Variants in NAPG observed in about 807,000 individuals in gnomAD.
NAPG encodes the protein NSF attachment protein gamma.
A neutral mutation model predicts 48.4 loss-of-function variants in NAPG; 25 were observed. The observed-to-expected ratio is 0.52, with a 90% CI of 0.38 to 0.72. NAPG has a LOEUF of 0.72. Among genes scored for constraint, NAPG ranks in the 30% least tolerant of loss-of-function variants. The pLI, the probability that NAPG is intolerant of heterozygous loss-of-function variation, is 0.00. For synonymous variants in NAPG, 139 were observed against 127.2 expected (o/e 1.09, Z -0.62); for missense variants, 359 against 372.5 (o/e 0.96, Z 0.30).
rs902820087 is a variant in NAPG at position 10,543,424 on chromosome 18, G to A, written c.507-2902G>A. Among the ~76,000 whole-genome samples the A allele has an allele frequency of 2.0e-5, 3 of 152,174 alleles. No individual in the cohort carries two copies. The highest frequency in any genetic ancestry group is 3.8e-4 in the East Asian group (2 of 5,196). ...GGTTTCTGTCTTGCATAACTGTTCT[G>A]TCCATGGTGCCATCAATAACTGAGA... On this transcript the variant is annotated intron_variant, in intron 8 of 11. Coordinates refer to ENST00000322897, the MANE Select transcript of NAPG (RefSeq NM_003826.3). The surrounding 1 kb of genome is among the most constrained non-coding windows in gnomAD (Gnocchi z 4.4).
At position 10,534,255 on chromosome 18, in the gene NAPG, T is replaced by C. The variant is rs2031987137; in HGVS notation, c.228-211T>C. Among the ~76,000 whole-genome samples, 1 of 152,230 alleles carries C rather than the reference T, an allele frequency of 6.6e-6. No individual in the cohort carries two copies. The highest frequency in any genetic ancestry group is 6.5e-5 in the Admixed American group (1 of 15,284). On this transcript the variant is annotated intron_variant, in intron 4 of 11. Transcript: ENST00000322897. This position sits in a 1 kb window ranked among gnomAD's most constrained non-coding sequence, Gnocchi z 5.0. ...TTGCATCTGCAAAATAAAATCTCTT[T>C]AACTCAAATGTCTGATGTTCTAAGC...
intron 4 of NAPG, 53 bp downstream of exon 4, chr18:10,533,606 T>C (rs1331124336): frequency 1.3e-5 from 19 of 1,479,950 alleles, no homozygotes; most frequent in Non-Finnish European, 1.8e-5. Flanking sequence ...TAAATGTTGC[T>C]GTTTTTCTGT....
chr18:10,543,945 C>T lies in NAPG; in HGVS notation c.507-2381C>T, dbSNP rs2032207969. ...AGGGCTTGGCTCTTTTGTTAGGTAA[C>T]TATATATTAGCACATAGAAATGCTA... On this transcript the variant is annotated intron_variant, in intron 8 of 11. Transcript: ENST00000322897. The surrounding 1 kb of genome is among the most constrained non-coding windows in gnomAD (Gnocchi z 4.4). Among the ~76,000 whole-genome samples, 1 of 152,082 alleles carries T rather than the reference C, an allele frequency of 6.6e-6. No homozygotes were observed. Among genetic ancestry groups the T allele is most frequent in the East Asian group, 1.9e-4 (1 of 5,194 alleles).
chr18:10,536,382 T>C (rs1419962363), intron 5 of NAPG, among the ~76,000 whole-genome samples: 1 of 152,184 alleles, frequency 6.6e-6, no homozygotes, highest in Non-Finnish European at 1.5e-5. Flanking sequence ...TCACACTGAT[T>C]CACCAGAAAG....
intron 3 of NAPG, 179 bp from the exon 4 acceptor site, chr18:10,533,356 TA>T (rs2031969208): frequency 2.2e-6 from 1 of 458,028 alleles, no homozygotes. Context: ...TTTTGGGAAT[TA>T]TGTAGTTTTA....
intron 7 of NAPG, 118 bp from the exon 8 acceptor site, chr18:10,540,211 C>G: frequency 1.9e-6 from 2 of 1,051,950 alleles, no homozygotes; most frequent in Admixed American, 4.7e-5. Flanking sequence ...AATGAACTAG[C>G]AGCTTTCGTG....
chr18:10,532,878 C>CAGG, intron 3 of NAPG, 83 bp downstream of exon 3: 1 of 1,137,968 alleles, frequency 8.8e-7, no homozygotes, highest in Non-Finnish European at 1.3e-6. Context: ...ATTTACTTTA[C>CAGG]TACCTGTGAA....
rs1028441085 is a variant in NAPG at position 10,545,228 on chromosome 18, C to T, written c.507-1098C>T. ...TCGGGAGGCTGAGGCAAGAGAATCA[C>T]TTGAACCCGGGAGGCAGAGGTTGCG... On this transcript the variant is annotated intron_variant, in intron 8 of 11. Transcript: ENST00000322897. Among the ~76,000 whole-genome samples, 3 of 152,138 alleles carry T rather than the reference C, an allele frequency of 2.0e-5. No homozygotes were observed. The East Asian group carries it at 5.8e-4, about 29-fold the overall frequency.
At position 10,551,107 on chromosome 18, in the gene NAPG, T is replaced by G. The variant is rs941853596; in HGVS notation, c.*887T>G. 2.0e-5 allele frequency: 3 copies of G among 151,976 alleles called. No individual in the cohort carries two copies. Among genetic ancestry groups the G allele is most frequent in the African/African-American group, 7.2e-5 (3 of 41,386 alleles). 9.4% of individuals were successfully genotyped at this position (151,976 alleles called of 1,614,324 possible). ...TTATTTTTAATTTGTAATTTTTTTT[T>G]TATTTTTTTTGTTGAGATGGAGTTG... On this transcript the variant is annotated 3_prime_UTR_variant, in exon 12 of 12. Coordinates refer to ENST00000322897, the MANE Select transcript of NAPG (RefSeq NM_003826.3).
At chr18:10,533,742 G>A (rs1366893963) in intron 4 of NAPG, among the ~76,000 whole-genome samples, 189 bp downstream of exon 4, 1 of 152,132 alleles carries the variant, frequency 6.6e-6, no homozygotes, top group Non-Finnish European at 1.5e-5. Flanking sequence ...GATGTAAAGA[G>A]TTTAAATTAA....
chr18:10,543,135 C>CAAAAA lies in NAPG; in HGVS notation c.506+2747_506+2751dup, dbSNP rs199992167. On this transcript the variant is annotated intron_variant, in intron 8 of 11. Coordinates refer to ENST00000322897, the MANE Select transcript of NAPG (RefSeq NM_003826.3). This position sits in a 1 kb window ranked among gnomAD's most constrained non-coding sequence, Gnocchi z 4.4. The stretch of plus-strand genomic sequence containing the variant: ...ACAGGTTGCAGTGAGACTCCCATCT[C>CAAAAA]AAAAAAAAAAAAAAAGAAAAGAAAA... Among the ~76,000 whole-genome samples, 6 of 106,412 alleles carry CAAAAA rather than the reference C, an allele frequency of 5.6e-5. No individual in the cohort carries two copies. Among genetic ancestry groups the CAAAAA allele is most frequent in the Admixed American group, 1.0e-4 (1 of 9,566 alleles). The allele number at this position is 106,412 out of a possible 152,430, so 69.8% of individuals were successfully genotyped here. A position where few individuals can be genotyped will look rare whatever the true frequency, so the allele number is the denominator to read the frequency against.
rs985411044 is a variant in NAPG at position 10,546,064 on chromosome 18, C to T, written c.507-262C>T. Among the ~76,000 whole-genome samples, 1 of 152,216 alleles carries T rather than the reference C, an allele frequency of 6.6e-6. No homozygotes were observed. The highest frequency in any genetic ancestry group is 2.4e-5 in the African/African-American group (1 of 41,460). On this transcript the variant is annotated intron_variant, in intron 8 of 11. Transcript: ENST00000322897. This position sits in a 1 kb window ranked among gnomAD's most constrained non-coding sequence, Gnocchi z 4.0. ...TCGCTATTGGACAGTCCTTACTAAG[C>T]TTAAAACTCCCCGTTTGACCTAACC...
intron 5 of NAPG, among the ~76,000 whole-genome samples, chr18:10,535,108 T>C (rs547603939): frequency 1.2e-4 from 18 of 152,370 alleles, no homozygotes; most frequent in African/African-American, 3.8e-4. Flanking sequence ...ATGAAGTATT[T>C]GTCTTTCTTT....
At position 10,540,406 on chromosome 18, in the gene NAPG, C is replaced by T; in HGVS notation, c.506+7C>T. The T allele has an allele frequency of 6.2e-7, 1 of 1,607,858 alleles. No homozygotes were observed. Among genetic ancestry groups the T allele is most frequent in the Non-Finnish European group, 8.5e-7 (1 of 1,175,506 alleles). On this transcript the variant is annotated splice_region_variant and intron_variant, in intron 8 of 11. Transcript: ENST00000322897. ...TACTAGTACGAGGACGTAGGTATGT[C>T]TTTAAAAACTATTGCTGTGTGTTTA...
At chr18:10,537,258 C>T (rs1471753580) in intron 5 of NAPG, among the ~76,000 whole-genome samples, 2 of 152,202 alleles carry the variant, frequency 1.3e-5, no homozygotes, top group African/African-American at 4.8e-5. Flanking sequence ...TACCCTACTA[C>T]TGACTGGAAG....
At position 10,552,299 on chromosome 18, in the gene NAPG, C is replaced by G. The variant is rs2032414979; in HGVS notation, c.*2079C>G. On this transcript the variant is annotated 3_prime_UTR_variant, in exon 12 of 12. Coordinates refer to ENST00000322897, the MANE Select transcript of NAPG (RefSeq NM_003826.3). ...GTGCAGCCTCCTTCACCCTTCCTGC[C>G]CACGGTGAGGATTGAATAACCAGGA... The G allele has an allele frequency of 6.6e-6, 1 of 152,228 alleles. No individual in the cohort carries two copies. The highest frequency in any genetic ancestry group is 1.5e-5 in the Non-Finnish European group (1 of 68,050). 9.4% of individuals were successfully genotyped at this position (152,228 alleles called of 1,614,324 possible).
At chr18:10,537,443 A>C (rs1340520971) in intron 5 of NAPG, among the ~76,000 whole-genome samples, 1 of 152,178 alleles carries the variant, frequency 6.6e-6, no homozygotes, top group Admixed American at 6.5e-5. Context: ...AGGGCTCTTC[A>C]TCCTCATCAT....
intron 8 of NAPG, among the ~76,000 whole-genome samples, chr18:10,545,971 A>G (rs1439166241): frequency 2.0e-5 from 3 of 152,188 alleles, no homozygotes; most frequent in Non-Finnish European, 4.4e-5. Context: ...TTCAGTCGGG[A>G]GGAAAGAAAT....
chr18:10,548,872 C>T lies in NAPG; in HGVS notation c.666-95C>T. The T allele has an allele frequency of 6.8e-7, 1 of 1,461,282 alleles. No homozygotes were observed. The highest frequency in any genetic ancestry group is 9.2e-7 in the Non-Finnish European group (1 of 1,085,578). The allele number at this position is 1,461,282 out of a possible 1,614,324, so 90.5% of individuals were successfully genotyped here. A position where few individuals can be genotyped will look rare whatever the true frequency, so the allele number is the denominator to read the frequency against. Reference sequence around the variant, plus strand: ...CACACTTTTAAGTACCAAAATGTCTCCAGACAGTGTCACATGCCAGGGGCA... The same window carrying T: ...CACACTTTTAAGTACCAAAATGTCTTCAGACAGTGTCACATGCCAGGGGCA... On this transcript the variant is annotated intron_variant, in intron 10 of 11. Transcript: ENST00000322897. This position sits in a 1 kb window ranked among gnomAD's most constrained non-coding sequence, Gnocchi z 4.4.
Sources: allele counts gnomAD v4.1 joint callset (sites outside exome capture counted in the v4.1 genomes callset), GRCh38; gene constraint gnomAD v4.1.1; non-coding constraint Gnocchi (gnomAD v3.1); transcripts MANE v1.5; gene names NCBI Gene and HGNC (gene_info 2026-07-23, HGNC 2026-07-21).